Variants in AP2S1 observed in about 807,000 individuals in gnomAD.
The protein encoded by AP2S1 is adaptor related protein complex 2 subunit sigma 1, also known as AP-2 complex subunit sigma.
AP2S1 carries 6 observed loss-of-function variants against 21.0 expected under a neutral mutation model. That is an observed-to-expected ratio of 0.29 (90% CI 0.16 to 0.56). AP2S1 has a LOEUF of 0.56. Among genes scored for constraint, AP2S1 ranks in the 20% least tolerant of loss-of-function variants. AP2S1 has a pLI of 0.92. For missense variants in AP2S1, 60 were observed against 186.2 expected (o/e 0.32, Z 3.95); for synonymous variants, 63 against 74.6 (o/e 0.84, Z 0.80).
chr19:46,850,396 C>G (rs1214685933), intron 1 of AP2S1: 3 of 1,221,358 alleles, frequency 2.5e-6, no homozygotes, highest in East Asian at 3.2e-5. Flanking sequence ...ACTTCCAGAG[C>G]GCCTTCCTCT....
Position 46,838,961 on chromosome 19 carries a change from C to G in AP2S1, c.268-162G>C, listed in dbSNP as rs1334318763. ...ACAGGGAGAGAGGCAAGGAGACACA[C>G]AGAGAGAAACAAAAGCAAAGATCGA... On this transcript the variant is annotated intron_variant, in intron 3 of 4. Transcript: ENST00000263270. This position sits in a 1 kb window ranked among gnomAD's most constrained non-coding sequence, Gnocchi z 4.1. 8 of 627,660 alleles carry G rather than the reference C, an allele frequency of 1.3e-5. No homozygotes were observed. Among genetic ancestry groups the G allele is most frequent in the Non-Finnish European group, 2.0e-5 (7 of 349,908 alleles). The allele number at this position is 627,660 out of a possible 1,614,324, so 38.9% of individuals were successfully genotyped here.
At chr19:46,841,459 C>T (rs1014780460) in intron 2 of AP2S1, among the ~76,000 whole-genome samples, 1 of 152,224 alleles carries the variant, frequency 6.6e-6, no homozygotes, top group African/African-American at 2.4e-5. Flanking sequence ...CCCATCTCTC[C>T]TCCAGCTACA....
At position 46,841,071 on chromosome 19, in the gene AP2S1, A is replaced by G. The variant is rs555621446; in HGVS notation, c.154-1493T>C. On this transcript the variant is annotated intron_variant, in intron 2 of 4. Transcript: ENST00000263270. ...CAGGTTCAAGCAATTCTCCTGCCTC[A>G]GCCTCCTGAGTAGCTAGGAATACAG... Among the ~76,000 whole-genome samples, 5 of 152,088 alleles carry G rather than the reference A, an allele frequency of 3.3e-5. No individual in the cohort carries two copies. In the East Asian group the frequency reaches 9.7e-4, roughly 29 times the overall value.
At chr19:46,847,476 C>T (rs752526462) in intron 1 of AP2S1, among the ~76,000 whole-genome samples, 3 of 152,156 alleles carry the variant, frequency 2.0e-5, no homozygotes, top group Non-Finnish European at 2.9e-5. Context: ...CCTCATCCCC[C>T]CAAAGTGCTG....
intron 3 of AP2S1, 117 bp downstream of exon 3, chr19:46,839,348 A>C: frequency 1.3e-6 from 1 of 747,094 alleles, no homozygotes; most frequent in Non-Finnish European, 2.2e-6. Context: ...GGAGAGGGAG[A>C]GTCCCAGTCA....
At chr19:46,839,783 C>T in intron 2 of AP2S1, 1 of 829,664 alleles carries the variant, frequency 1.2e-6, no homozygotes, top group South Asian at 1.9e-5. Flanking sequence ...CCAGAATGGA[C>T]AGGATGGGCT....
intron 3 of AP2S1, among the ~76,000 whole-genome samples, 147 bp downstream of exon 3, chr19:46,839,309 AAAAAAAAAG>A: frequency 1.5e-5 from 2 of 134,294 alleles, no homozygotes; most frequent in Admixed American, 7.4e-5. Flanking sequence ...AAAAAAAAAA[AAAAAAAAAG>A]AAAAAGAAAA....
At chr19:46,843,066 A>T (rs1599766677) in intron 2 of AP2S1, among the ~76,000 whole-genome samples, 1 of 151,456 alleles carries the variant, frequency 6.6e-6, no homozygotes, top group East Asian at 1.9e-4. Flanking sequence ...CCTGATCTTC[A>T]CCTCCGCCTG....
chr19:46,849,986 C>A lies in AP2S1; in HGVS notation c.3+778G>T, dbSNP rs1261149354. The stretch of plus-strand genomic sequence containing the variant: ...AAAGCCCCAACCTGGGGGATAGGGG[C>A]ACTCCTAAATCCAATGTTGAGTCTT... On this transcript the variant is annotated intron_variant, in intron 1 of 4. Coordinates refer to ENST00000263270, the MANE Select transcript of AP2S1 (RefSeq NM_004069.6). 1.5e-5 allele frequency: 10 copies of A among 669,384 alleles called. No homozygotes were observed. In the Admixed American group the frequency reaches 4.3e-4, roughly 29 times the overall value. 41.5% of individuals were successfully genotyped at this position (669,384 alleles called of 1,614,324 possible).
chr19:46,839,286 CAAAAAAAAAAAAAA>C (rs771792607), intron 3 of AP2S1, among the ~76,000 whole-genome samples, 165 bp downstream of exon 3: 17,748 of 73,200 alleles, frequency 0.24, 1,319 homozygotes, highest in Non-Finnish European at 0.28. Flanking sequence ...GACTCCGTCT[CAAAAAAAAAAAAAA>C]AAAAAAAAAA....
intron 2 of AP2S1, among the ~76,000 whole-genome samples, chr19:46,841,041 C>T (rs1227369362): frequency 6.6e-6 from 1 of 152,092 alleles, no homozygotes; most frequent in Non-Finnish European, 1.5e-5. Context: ...GCAACCTCTG[C>T]CTCCCAGGTT....
At chr19:46,844,164 A>C in intron 2 of AP2S1, among the ~76,000 whole-genome samples, 1 of 151,970 alleles carries the variant, frequency 6.6e-6, no homozygotes, top group South Asian at 2.1e-4. Flanking sequence ...TGGCCTCCCA[A>C]AGTGCTGGGA....
intron 3 of AP2S1, 35 bp downstream of exon 3, chr19:46,839,430 C>T: frequency 5.4e-6 from 8 of 1,470,938 alleles, no homozygotes; most frequent in Non-Finnish European, 5.6e-6. Flanking sequence ...GGCTGCCCAC[C>T]CGCCTCCCCA....
chr19:46,846,392 C>A (rs541969858), intron 1 of AP2S1, among the ~76,000 whole-genome samples: 17 of 151,946 alleles, frequency 1.1e-4, no homozygotes, highest in Admixed American at 1.1e-3. Flanking sequence ...CTGGAGTCAG[C>A]TCCAGGGCCC....
In AP2S1 at chr19:46,838,334, C is replaced by T. The variant is rs1169225272; in HGVS notation, c.*113G>A. On this transcript the variant is annotated 3_prime_UTR_variant, in exon 5 of 5. Coordinates refer to ENST00000263270, the MANE Select transcript of AP2S1 (RefSeq NM_004069.6). This position sits in a 1 kb window ranked among gnomAD's most constrained non-coding sequence, Gnocchi z 4.1. Reference sequence around the variant, plus strand: ...CTTGTGGCCCAGACCCAGCTGGGTCCCTTCCTCCTAGGCAGCTGAGGGAAG... The same window carrying T: ...CTTGTGGCCCAGACCCAGCTGGGTCTCTTCCTCCTAGGCAGCTGAGGGAAG... The T allele has an allele frequency of 3.9e-6, 4 of 1,025,282 alleles. No homozygotes were observed. Among genetic ancestry groups the T allele is most frequent in the Non-Finnish European group, 5.9e-6 (4 of 678,622 alleles). 63.5% of individuals were successfully genotyped at this position (1,025,282 alleles called of 1,614,324 possible). A position where few individuals can be genotyped will look rare whatever the true frequency, so the allele number is the denominator to read the frequency against.
rs756023462 is a variant in AP2S1 at position 46,838,600 on chromosome 19, C to G, written c.328-52G>C. 5.0e-6 allele frequency: 8 copies of G among 1,601,792 alleles called. No individual in the cohort carries two copies. The highest frequency in any genetic ancestry group is 5.1e-6 in the Non-Finnish European group (6 of 1,169,244). ...GACGAGGCCCCCCAGGATGCTGGCC[C>G]GGACCCTGGAAGCTGGGGCTCTGAT... On this transcript the variant is annotated intron_variant, in intron 4 of 4. Coordinates refer to ENST00000263270, the MANE Select transcript of AP2S1 (RefSeq NM_004069.6). The surrounding 1 kb of genome is among the most constrained non-coding windows in gnomAD (Gnocchi z 4.1).
chr19:46,838,599 C>T lies in AP2S1; in HGVS notation c.328-51G>A. On this transcript the variant is annotated intron_variant, in intron 4 of 4. Transcript: ENST00000263270. The surrounding 1 kb of genome is among the most constrained non-coding windows in gnomAD (Gnocchi z 4.1). ...AGACGAGGCCCCCCAGGATGCTGGC[C>T]CGGACCCTGGAAGCTGGGGCTCTGA... 6.2e-7 allele frequency: 1 copy of T among 1,603,192 alleles called. No homozygotes were observed. The highest frequency in any genetic ancestry group is 8.5e-7 in the Non-Finnish European group (1 of 1,170,356).
intron 2 of AP2S1, among the ~76,000 whole-genome samples, chr19:46,845,438 T>C (rs1319960976): frequency 1.5e-5 from 2 of 129,818 alleles, no homozygotes; most frequent in African/African-American, 6.0e-5. Context: ...ATTAATTAAT[T>C]AATTCAATTC....
intron 1 of AP2S1, chr19:46,850,511 C>T: frequency 1.7e-6 from 1 of 603,446 alleles, no homozygotes; most frequent in Non-Finnish European, 2.7e-6. Context: ...CAACGTTTCC[C>T]ACCTGCACAG....
Sources: gnomAD v4.1 joint callset for allele counts (sites outside exome capture counted in the v4.1 genomes callset) on GRCh38, gnomAD v4.1.1 for gene constraint, Gnocchi (gnomAD v3.1) non-coding constraint, MANE v1.5 for transcripts, NCBI Gene and HGNC (gene_info 2026-07-23, HGNC 2026-07-21) for gene names.